ST6GALNAC3: variants seen among roughly 807,000 people sequenced by gnomAD.
ST6GALNAC3 encodes the protein ST6 N-acetylgalactosaminide alpha-2,6-sialyltransferase 3, also known as alpha-N-acetylgalactosaminide alpha-2,6-sialyltransferase 3.
In ST6GALNAC3, 25 loss-of-function variants were observed where a neutral mutation model predicts 32.7. That is an observed-to-expected ratio of 0.76 (90% CI 0.56 to 1.07). The LOEUF is 1.07. Ranked by LOEUF, ST6GALNAC3 falls within the 50% of genes least tolerant of loss-of-function variation. ST6GALNAC3 has a pLI of 0.00. For missense variants in ST6GALNAC3, 355 were observed against 382.4 expected (o/e 0.93, Z 0.60); for synonymous variants, 129 against 133.1 (o/e 0.97, Z 0.21).
intron 1 of ST6GALNAC3, among the ~76,000 whole-genome samples, chr1:76,278,313 C>T (rs1659298443): frequency 6.7e-6 from 1 of 150,356 alleles, no homozygotes; most frequent in African/African-American, 2.5e-5. Context: ...GCTCCGCCTC[C>T]CGGGTTCACG....
At chr1:76,183,334 A>C (rs1970226) in intron 1 of ST6GALNAC3, among the ~76,000 whole-genome samples, 21,127 of 152,096 alleles carry the variant, frequency 0.14, 1,722 homozygotes, top group Non-Finnish European at 0.19. Flanking sequence ...TTCAAGCCTC[A>C]ATGTCTTCTT....
intron 2 of ST6GALNAC3, among the ~76,000 whole-genome samples, chr1:76,403,648 A>G (rs1653598384): frequency 6.6e-6 from 1 of 152,134 alleles, no homozygotes; most frequent in South Asian, 2.1e-4. Context: ...ATTGTAATGT[A>G]TAGCCAGTTG....
chr1:76,550,396 G>A (rs1252648986), intron 3 of ST6GALNAC3, among the ~76,000 whole-genome samples: 4 of 152,110 alleles, frequency 2.6e-5, no homozygotes, highest in African/African-American at 9.7e-5. Flanking sequence ...AGTCATCTCA[G>A]CAGCATTATT....
At chr1:76,232,228 A>G (rs1656400194) in intron 1 of ST6GALNAC3, among the ~76,000 whole-genome samples, 1 of 152,248 alleles carries the variant, frequency 6.6e-6, no homozygotes, top group African/African-American at 2.4e-5. Flanking sequence ...ATCCCTATCT[A>G]TGACTGATGT....
At chr1:76,332,954 A>G (rs1244414154) in intron 2 of ST6GALNAC3, among the ~76,000 whole-genome samples, 2 of 151,968 alleles carry the variant, frequency 1.3e-5, no homozygotes, top group African/African-American at 4.8e-5. Flanking sequence ...CAACCAGAAC[A>G]CCTATAGCAA....
At chr1:76,609,528 A>T (rs898776778) in intron 3 of ST6GALNAC3, among the ~76,000 whole-genome samples, 1 of 152,214 alleles carries the variant, frequency 6.6e-6, no homozygotes, top group African/African-American at 2.4e-5. Context: ...TTAAATGGCT[A>T]ATACCATAAA....
intron 3 of ST6GALNAC3, among the ~76,000 whole-genome samples, chr1:76,592,273 G>A (rs147408717): frequency 1.5e-3 from 231 of 152,104 alleles, no homozygotes; most frequent in Non-Finnish European, 2.6e-3. Flanking sequence ...AGGGAAGGAA[G>A]ATGGAAAGAA....
Position 76,601,546 on chromosome 1 carries a change from T to G in ST6GALNAC3, c.624-25906T>G, listed in dbSNP as rs371549262. Reference sequence around the variant, plus strand: ...AAATTGAAGGATAAAGAAAGAAAATTTAAACCTATAGAACTCCTACCAAGT... The same window carrying G: ...AAATTGAAGGATAAAGAAAGAAAATGTAAACCTATAGAACTCCTACCAAGT... On this transcript the variant is annotated intron_variant, in intron 3 of 4. Transcript: ENST00000328299. Among the ~76,000 whole-genome samples the G allele has an allele frequency of 4.4e-4, 67 of 152,282 alleles. No homozygotes were observed. The Middle Eastern group carries it at 0.01, about 23-fold the overall frequency.
At chr1:76,525,633 A>G (rs775395162) in intron 3 of ST6GALNAC3, among the ~76,000 whole-genome samples, 6 of 151,124 alleles carry the variant, frequency 4.0e-5, no homozygotes, top group East Asian at 1.9e-4. Context: ...ACTTTCTACA[A>G]ACTTCCCAAC....
At chr1:76,254,740 A>G (rs1327679617) in intron 1 of ST6GALNAC3, among the ~76,000 whole-genome samples, 2 of 152,050 alleles carry the variant, frequency 1.3e-5, no homozygotes. Context: ...TGTGTCAGAA[A>G]ACAAAAATTC....
intron 1 of ST6GALNAC3, among the ~76,000 whole-genome samples, chr1:76,299,525 T>C (rs1377143706): frequency 6.6e-6 from 1 of 151,974 alleles, no homozygotes; most frequent in African/African-American, 2.4e-5. Context: ...GTTCAGTCAC[T>C]GGGGCCTAAT....
At chr1:76,456,653 C>T (rs1036141212) in intron 3 of ST6GALNAC3, among the ~76,000 whole-genome samples, 23 of 152,150 alleles carry the variant, frequency 1.5e-4, no homozygotes, top group African/African-American at 5.1e-4. Context: ...AATTTAACAA[C>T]CCTTCATGCT....
intron 3 of ST6GALNAC3, among the ~76,000 whole-genome samples, chr1:76,508,624 G>C (rs1277450810): frequency 6.6e-6 from 1 of 152,056 alleles, no homozygotes; most frequent in East Asian, 1.9e-4. Context: ...GGCATCCAAA[G>C]AGACTTCGGG....
chr1:76,532,037 C>T (rs1663291008), intron 3 of ST6GALNAC3, among the ~76,000 whole-genome samples: 1 of 152,262 alleles, frequency 6.6e-6, no homozygotes, highest in African/African-American at 2.4e-5. Context: ...GCTGTCGCTC[C>T]ATTTGTCTTC....
At chr1:76,459,675 G>A (rs1205129520) in intron 3 of ST6GALNAC3, among the ~76,000 whole-genome samples, 2 of 152,168 alleles carry the variant, frequency 1.3e-5, no homozygotes, top group Non-Finnish European at 2.9e-5. Context: ...AAAATTGCCA[G>A]GGGAGTGGAG....
chr1:76,328,806 G>A (rs1265892708), intron 2 of ST6GALNAC3, among the ~76,000 whole-genome samples: 2 of 152,214 alleles, frequency 1.3e-5, no homozygotes, highest in African/African-American at 4.8e-5. Context: ...TAGGTGCTGA[G>A]CTGTGTGCCA....
At chr1:76,138,717 T>C (rs1414480073) in intron 1 of ST6GALNAC3, among the ~76,000 whole-genome samples, 1 of 152,220 alleles carries the variant, frequency 6.6e-6, no homozygotes, top group Non-Finnish European at 1.5e-5. Context: ...ATTTGTTCTT[T>C]AGAACTTCAG....
intron 1 of ST6GALNAC3, among the ~76,000 whole-genome samples, chr1:76,221,928 G>C (rs1012950475): frequency 6.6e-6 from 1 of 152,122 alleles, no homozygotes; most frequent in Non-Finnish European, 1.5e-5. Context: ...CGTGAGCTTT[G>C]ATTGTGTTGA....
Position 76,499,401 on chromosome 1 carries a change from A to G in ST6GALNAC3, c.623+86984A>G, listed in dbSNP as rs189934294. ...GGATAAAGCACTTATCAAACCACACAGAGTCCAAATCATGCAAATCAGAAG... is the reference window on the plus strand; with the variant it reads ...GGATAAAGCACTTATCAAACCACACGGAGTCCAAATCATGCAAATCAGAAG... On this transcript the variant is annotated intron_variant, in intron 3 of 4. Transcript: ENST00000328299. Among the ~76,000 whole-genome samples, 53 of 152,326 alleles carry G rather than the reference A, an allele frequency of 3.5e-4. 1 individual carries two copies. The highest frequency in any genetic ancestry group is 1.9e-3 in the Admixed American group (29 of 15,290).
Sources: gnomAD v4.1 joint callset for allele counts (sites outside exome capture counted in the v4.1 genomes callset) on GRCh38, gnomAD v4.1.1 for gene constraint, MANE v1.5 for transcripts, NCBI Gene and HGNC (gene_info 2026-07-23, HGNC 2026-07-21) for gene names.